Variants in INPP5B observed in about 807,000 individuals in gnomAD.
INPP5B encodes the protein type II inositol 1,4,5-trisphosphate 5-phosphatase.
INPP5B carries 90 observed loss-of-function variants against 118.5 expected under a neutral mutation model. That is an observed-to-expected ratio of 0.76 (90% CI 0.64 to 0.90). The LOEUF is 0.90. INPP5B is among the 40% of genes least tolerant of loss of function. The pLI is 0.00. For synonymous variants in INPP5B, 385 were observed against 418.9 expected, an observed-to-expected ratio of 0.92 and a Z score of 0.99; for missense variants, 984 against 1,125.6, an observed-to-expected ratio of 0.87 and a Z score of 1.80.
intron 8 of INPP5B, among the ~76,000 whole-genome samples, chr1:37,890,252 A>C (rs1002785530): frequency 6.6e-6 from 1 of 152,084 alleles, no homozygotes. Flanking sequence ...GCACATGCCT[A>C]TAATCCCAGC....
At chr1:37,927,738 C>T (rs1001672463) in intron 7 of INPP5B, among the ~76,000 whole-genome samples, 8 of 151,996 alleles carry the variant, frequency 5.3e-5, no homozygotes, top group African/African-American at 9.6e-5. Flanking sequence ...GGGGTTTCAC[C>T]ATGTTAGCCA....
At chr1:37,939,637 G>T (rs1645841399) in intron 6 of INPP5B, among the ~76,000 whole-genome samples, 2 of 123,916 alleles carry the variant, frequency 1.6e-5, no homozygotes, top group East Asian at 2.9e-4. Context: ...TAGAGACGGG[G>T]TTTCACCGTG....
chr1:37,913,386 A>G (rs1644765781), intron 7 of INPP5B, among the ~76,000 whole-genome samples: 1 of 152,196 alleles, frequency 6.6e-6, no homozygotes, highest in South Asian at 2.1e-4. Flanking sequence ...TCGCCAACCA[A>G]TCAAATAATT....
intron 7 of INPP5B, among the ~76,000 whole-genome samples, chr1:37,924,561 C>T (rs758921502): frequency 6.6e-6 from 1 of 152,050 alleles, no homozygotes; most frequent in African/African-American, 2.4e-5. Context: ...AGGAGGCAAA[C>T]ATTCACTCCC....
At position 37,866,372 on chromosome 1, in the gene INPP5B, C is replaced by T. The variant is rs1642030753; in HGVS notation, c.2386+87G>A. The T allele has an allele frequency of 5.7e-6, 4 of 697,092 alleles. No homozygotes were observed. The South Asian group carries it at 7.0e-5, about 12-fold the overall frequency. The allele number at this position is 697,092 out of a possible 1,614,324, so 43.2% of individuals were successfully genotyped here. A position where few individuals can be genotyped will look rare whatever the true frequency, so the allele number is the denominator to read the frequency against. On this transcript the variant is annotated intron_variant, in intron 21 of 23. Transcript: ENST00000373024. Reference sequence around the variant, plus strand: ...ATAAAATACTTTACTTTTTCTCACCCCTCTCACTCATATTCTCTCTCTCTC... The same window carrying T: ...ATAAAATACTTTACTTTTTCTCACCTCTCTCACTCATATTCTCTCTCTCTC...
At chr1:37,897,713 C>T (rs1178021138) in intron 7 of INPP5B, among the ~76,000 whole-genome samples, 2 of 151,136 alleles carry the variant, frequency 1.3e-5, no homozygotes, top group Non-Finnish European at 3.0e-5. Context: ...CTGCGAGAAA[C>T]ACCCAAGAAT....
At chr1:37,934,228 C>T (rs556512047) in intron 6 of INPP5B, among the ~76,000 whole-genome samples, 4 of 152,242 alleles carry the variant, frequency 2.6e-5, no homozygotes, top group Admixed American at 1.3e-4. Context: ...CCACCCCATC[C>T]GGCCCCTATT....
At chr1:37,865,919 T>C (rs753717967) in intron 21 of INPP5B, 31 bp from the exon 22 acceptor site, 30 of 1,607,986 alleles carry the variant, frequency 1.9e-5, no homozygotes, top group Middle Eastern at 1.7e-4. Flanking sequence ...GAACCGATAA[T>C]GCTGCTGTCC....
chr1:37,938,225 C>T (rs187536499), intron 6 of INPP5B, among the ~76,000 whole-genome samples: 50 of 151,470 alleles, frequency 3.3e-4, no homozygotes, highest in African/African-American at 9.7e-4. Context: ...GCCGAGATTG[C>T]GCCATTGCAC....
intron 13 of INPP5B, chr1:37,883,353 C>T: frequency 1.0e-6 from 1 of 985,420 alleles, no homozygotes; most frequent in Non-Finnish European, 1.2e-6. Flanking sequence ...GCCTTTGTTT[C>T]TAGAGCAGAG....
chr1:37,916,679 G>C (rs1644877456), intron 7 of INPP5B, among the ~76,000 whole-genome samples: 1 of 152,100 alleles, frequency 6.6e-6, no homozygotes, highest in Non-Finnish European at 1.5e-5. Flanking sequence ...GCCTCCCAAA[G>C]TGCTGGGATT....
intron 5 of INPP5B, among the ~76,000 whole-genome samples, chr1:37,941,019 C>T (rs527823423): frequency 4.5e-4 from 68 of 152,176 alleles, no homozygotes; most frequent in African/African-American, 1.5e-3. Context: ...GAAGAAGGCT[C>T]TGAAAAGTCA....
chr1:37,889,180 T>G (rs1441189338), intron 9 of INPP5B, among the ~76,000 whole-genome samples: 1 of 152,194 alleles, frequency 6.6e-6, no homozygotes, highest in Non-Finnish European at 1.5e-5. Flanking sequence ...GAGGGTACAG[T>G]GAGCTGTGAC....
rs1641749343 is a variant in INPP5B, at chr1:37,862,361, T to C, written c.2696A>G (p.Lys899Arg). ...CTGGTGAATAAATTCTTGAGCCTTC[T>C]TCTTCTCTGTCATATCAAGCTTTTG... The part of the protein sequence containing the change: ...GHQKLDMTEK[K>R]KAQEFIHQFL... Residue 899 changes from lysine to arginine, a missense_variant, in exon 24 of 24, where the codon AAG becomes AGG. By Grantham distance (26) the Lys-to-Arg change is conservative. Around this residue, in one of 2 missense-constraint regions of INPP5B, gnomAD observed 634 missense variants for 791.0 expected, o/e 0.80. Coordinates refer to ENST00000373024, the MANE Select transcript of INPP5B (RefSeq NM_005540.3). 2 of 1,614,092 alleles carry C rather than the reference T, an allele frequency of 1.2e-6. No homozygotes were observed. The highest frequency in any genetic ancestry group is 1.7e-6 in the Non-Finnish European group (2 of 1,179,938).
chr1:37,939,826 T>G (rs1256976650), intron 6 of INPP5B, among the ~76,000 whole-genome samples: 1 of 152,162 alleles, frequency 6.6e-6, no homozygotes, highest in Non-Finnish European at 1.5e-5. Flanking sequence ...CAATGTAGCC[T>G]TGAACTCCTG....
chr1:37,897,130 C>G (rs1376191764), intron 7 of INPP5B, among the ~76,000 whole-genome samples: 2 of 151,250 alleles, frequency 1.3e-5, no homozygotes, highest in Admixed American at 1.3e-4. Context: ...GACCCCCGTC[C>G]GGCCAGCCGC....
chr1:37,865,258 T>G (rs1446464726), intron 22 of INPP5B, among the ~76,000 whole-genome samples: 2 of 152,150 alleles, frequency 1.3e-5, no homozygotes, highest in Non-Finnish European at 2.9e-5. Context: ...TTTTCTAGAT[T>G]ATTCTGCCAA....
At chr1:37,922,276 C>T (rs1645084188) in intron 7 of INPP5B, among the ~76,000 whole-genome samples, 1 of 151,962 alleles carries the variant, frequency 6.6e-6, no homozygotes, top group Admixed American at 6.6e-5. Flanking sequence ...GTAGTCCCAG[C>T]TACTTGGGAG....
At chr1:37,945,895 TC>T in intron 2 of INPP5B, 45 bp from the exon 3 acceptor site, 1 of 1,568,108 alleles carries the variant, frequency 6.4e-7, no homozygotes. Context: ...GCGAGGCCTC[TC>T]CCCACCCAGG....
Sources: allele counts gnomAD v4.1 joint callset (sites outside exome capture counted in the v4.1 genomes callset), GRCh38; gene constraint gnomAD v4.1.1; regional missense constraint gnomAD v4.1.1; transcripts MANE v1.5; gene names NCBI Gene and HGNC (gene_info 2026-07-23, HGNC 2026-07-21).